The following FBLN7 variants were observed in gnomAD, a reference collection of about 807,000 sequenced individuals.
FBLN7 encodes the protein fibulin-7.
FBLN7 carries 31 observed loss-of-function variants against 44.0 expected under a neutral mutation model. The ratio of observed to expected loss-of-function variants is 0.70; its 90% CI spans 0.53 to 0.95. The LOEUF is 0.95. FBLN7 is among the 40% of genes least tolerant of loss of function. The probability of loss-of-function intolerance (pLI) is 0.00; values close to 1 mark genes in which losing one functional copy is unlikely to be tolerated. For synonymous variants in FBLN7, 262 were observed against 253.4 expected, an observed-to-expected ratio of 1.03 and a Z score of -0.32; for missense variants, 573 against 618.5, an observed-to-expected ratio of 0.93 and a Z score of 0.78.
chr2:112,242,232 C>A, the FBLN7 span, among the ~76,000 whole-genome samples: 22 of 152,198 alleles, frequency 1.4e-4, no homozygotes, highest in Non-Finnish European at 2.4e-4. Context: ...TAAGCACCCA[C>A]AAGCTAAGAA....
chr2:112,166,530 A>T (rs1421020924), intron 3 of FBLN7, among the ~76,000 whole-genome samples: 4 of 152,128 alleles, frequency 2.6e-5, no homozygotes, highest in Admixed American at 2.6e-4. Context: ...AAGGTTGATG[A>T]CTGGCTCTCA....
intron 4 of FBLN7, among the ~76,000 whole-genome samples, chr2:112,179,016 G>A (rs540669731): frequency 2.0e-5 from 3 of 152,268 alleles, no homozygotes; most frequent in South Asian, 2.1e-4. Context: ...GAAATAAAGC[G>A]CATCCAAATA....
At position 112,187,300 on chromosome 2, in the gene FBLN7, C is replaced by A. The variant is rs199709086; in HGVS notation, c.1114C>A (p.Arg372=). The part of the protein sequence containing the change: ...APGRAGPNSL[R]FGIVGGNSRG... ...CGGCCGAGCTGGGCCCAACAGCCTG[C>A]GGTTTGGGATCGTGGGTGGGAACAG... is the stretch of plus-strand genomic sequence containing the variant. Residue 372 remains arginine, a synonymous_variant, in exon 8 of 8, where the codon CGG becomes AGG. Transcript: ENST00000331203. The surrounding 1 kb of genome is among the most constrained non-coding windows in gnomAD (Gnocchi z 5.1). The A allele has an allele frequency of 3.7e-6, 6 of 1,614,102 alleles. No individual in the cohort carries two copies. The highest frequency in any genetic ancestry group is 4.5e-5 in the East Asian group (2 of 44,888).
intron 3 of FBLN7, among the ~76,000 whole-genome samples, chr2:112,165,564 T>C (rs746560667): frequency 2.0e-5 from 3 of 152,110 alleles, no homozygotes; most frequent in Non-Finnish European, 2.9e-5. Context: ...CTTGTTCTTA[T>C]CAATGTGAGG....
Position 112,159,902 on chromosome 2 carries a change from C to T in FBLN7, c.235+67C>T, listed in dbSNP as rs995147858. On this transcript the variant is annotated intron_variant, in intron 2 of 7. Coordinates refer to ENST00000331203, the MANE Select transcript of FBLN7 (RefSeq NM_153214.3). ...CTCGAGCACTCTCCCCGAGACGCTC[C>T]CAGCTGGAGGCCCCTCGTCACCCCT... 2.2e-6 allele frequency: 3 copies of T among 1,346,554 alleles called. No homozygotes were observed. The African/African-American group carries it at 4.6e-5, about 21-fold the overall frequency. The allele number at this position is 1,346,554 out of a possible 1,614,324, so 83.4% of individuals were successfully genotyped here. A position where few individuals can be genotyped will look rare whatever the true frequency, so the allele number is the denominator to read the frequency against.
chr2:112,234,285 A>G, the FBLN7 span: 13 of 1,367,878 alleles, frequency 9.5e-6, no homozygotes, highest in Non-Finnish European at 1.2e-5. Flanking sequence ...AGAAAATTAA[A>G]TATTTTATTC....
At position 112,159,829 on chromosome 2, in the gene FBLN7, C is replaced by T. The variant is rs746771939; in HGVS notation, c.229C>T (p.Leu77Phe). The T allele has an allele frequency of 6.0e-5, 92 of 1,545,644 alleles. No homozygotes were observed. Among genetic ancestry groups the T allele is most frequent in the Middle Eastern group, 2.1e-4 (1 of 4,746 alleles). The part of the protein sequence containing the change: ...NSVGRVGPDA[L>F]PVSCPALNTP... ...TGTGGGCAGGGTGGGCCCAGATGCC[C>T]TTCCAGGTGGGTCCCCACGTCGGCA... The change falls in exon 2 of 8, where the codon CTT (leucine) becomes TTT (phenylalanine). Residue 77 changes from leucine to phenylalanine, a missense_variant. Physicochemically the swap from Leu to Phe is conservative, Grantham distance 22. Transcript: ENST00000331203.
the FBLN7 span, chr2:112,232,013 C>T: frequency 1.0e-6 from 1 of 988,082 alleles, no homozygotes; most frequent in African/African-American, 1.7e-5. Flanking sequence ...AACTTAATGA[C>T]TTTATTTTTC....
the FBLN7 span, among the ~76,000 whole-genome samples, chr2:112,234,735 G>A: frequency 6.6e-6 from 1 of 152,020 alleles, no homozygotes; most frequent in African/African-American, 2.4e-5. Context: ...AGGAGGCAGA[G>A]GTTGCAGTGA....
At chr2:112,216,001 GA>G in the FBLN7 span, 5 of 152,120 alleles carry the variant, frequency 3.3e-5, no homozygotes, top group Non-Finnish European at 7.4e-5. Context: ...ATGAAATTGT[GA>G]ACCATTAAAA....
chr2:112,154,545 G>A (rs574154494), intron 1 of FBLN7, among the ~76,000 whole-genome samples: 3 of 152,262 alleles, frequency 2.0e-5, no homozygotes, highest in Admixed American at 6.5e-5. Flanking sequence ...AGGGCTGTGC[G>A]GAGCCTGGGG....
At chr2:112,219,026 C>G in the FBLN7 span, among the ~76,000 whole-genome samples, 1 of 152,126 alleles carries the variant, frequency 6.6e-6, no homozygotes, top group Admixed American at 6.5e-5. Context: ...TATTACTACC[C>G]AAAGCAATCT....
intron 1 of FBLN7, among the ~76,000 whole-genome samples, chr2:112,141,730 A>G (rs1207361748): frequency 6.6e-6 from 1 of 152,142 alleles, no homozygotes; most frequent in African/African-American, 2.4e-5. Flanking sequence ...CGTGGACAGG[A>G]TGTGTGATGA....
At chr2:112,241,238 A>G in the FBLN7 span, among the ~76,000 whole-genome samples, 112 of 152,290 alleles carry the variant, frequency 7.4e-4, 1 homozygote, top group African/African-American at 2.5e-3. Context: ...CCACCCAGGT[A>G]CTTTCCCTAG....
rs572217038 is a variant in FBLN7, at chr2:112,154,272, G to A, written c.76-5404G>A. 1.4e-3 allele frequency among the ~76,000 whole-genome samples: 208 copies of A among 152,292 alleles called. 1 individual carries two copies. The highest frequency in any genetic ancestry group is 2.3e-3 in the Non-Finnish European group (155 of 68,022). The stretch of plus-strand genomic sequence containing the variant: ...TTATTTATTGTCAATGACATAAGTT[G>A]GGCCACGACTGGTTTTGAAGGGATG... On this transcript the variant is annotated intron_variant, in intron 1 of 7. Transcript: ENST00000331203.
intron 2 of FBLN7, among the ~76,000 whole-genome samples, chr2:112,163,666 C>G (rs905962049): frequency 2.0e-5 from 3 of 152,220 alleles, no homozygotes; most frequent in African/African-American, 7.2e-5. Flanking sequence ...GAGCTTCCCT[C>G]CCCTTCCTCT....
At chr2:112,181,531 G>A (rs1365312606) in intron 4 of FBLN7, among the ~76,000 whole-genome samples, 1 of 152,184 alleles carries the variant, frequency 6.6e-6, no homozygotes. Context: ...ATTCCAGGGC[G>A]CTTCCTTTCC....
chr2:112,148,656 A>G (rs1680999355), intron 1 of FBLN7, among the ~76,000 whole-genome samples: 1 of 152,200 alleles, frequency 6.6e-6, no homozygotes. Context: ...TCAGCTGCCA[A>G]GCTAGCTGGG....
intron 2 of FBLN7, among the ~76,000 whole-genome samples, chr2:112,160,077 G>T (rs1221928532): frequency 1.3e-5 from 2 of 152,052 alleles, no homozygotes; most frequent in Non-Finnish European, 2.9e-5. Flanking sequence ...TGCAAGCTCC[G>T]CCTCCCGGGT....
Sources: gnomAD v4.1 joint callset for allele counts (sites outside exome capture counted in the v4.1 genomes callset) on GRCh38, gnomAD v4.1.1 for gene constraint, Gnocchi (gnomAD v3.1) non-coding constraint, MANE v1.5 for transcripts, NCBI Gene and HGNC (gene_info 2026-07-23, HGNC 2026-07-21) for gene names.